The following IFIT5 variants were observed in gnomAD, a reference collection of about 807,000 sequenced individuals.
The protein encoded by IFIT5 is interferon-induced protein with tetratricopeptide repeats 5.
A neutral mutation model predicts 5.0 loss-of-function variants in IFIT5; 2 were observed. That is an observed-to-expected ratio of 0.40 (90% confidence interval 0.16 to 1.26). The LOEUF (loss-of-function observed/expected upper bound fraction) is 1.26, where lower values mean the gene tolerates loss of function less well. Among genes scored for constraint, IFIT5 ranks in the 50% most tolerant of loss-of-function variants. The pLI is 0.33. For synonymous variants in IFIT5, 206 were observed against 204.6 expected, an observed-to-expected ratio of 1.01 and a Z score of -0.06; for missense variants, 524 against 563.2, an observed-to-expected ratio of 0.93 and a Z score of 0.70.
intron 1 of IFIT5, among the ~76,000 whole-genome samples, chr10:89,415,482 A>G (rs1391800017): frequency 6.6e-6 from 1 of 152,212 alleles, no homozygotes; most frequent in Non-Finnish European, 1.5e-5. Context: ...CCTCTGTACC[A>G]AGCACAGATT....
rs1029117055 is a variant in IFIT5 at position 89,417,840 on chromosome 10, A to G, written c.641A>G (p.Asn214Ser). ...AAGGCTGTTACCCTGAACCCAGATA[A>G]CAGCTATATTAAGGTTTTTCTGGCA... ...LRKAVTLNPD[N>S]SYIKVFLALK... The change falls in exon 2 of 2, where the codon AAC becomes AGC. Residue 214 changes from asparagine to serine, a missense_variant. Transcript: ENST00000371795. 4 of 1,614,092 alleles carry G rather than the reference A, an allele frequency of 2.5e-6. No individual in the cohort carries two copies. The African/African-American group carries it at 5.3e-5, about 22-fold the overall frequency.
intron 1 of IFIT5, among the ~76,000 whole-genome samples, chr10:89,416,638 C>T (rs779743946): frequency 7.9e-5 from 12 of 152,212 alleles, no homozygotes; most frequent in Admixed American, 2.0e-4. Context: ...ATCCATAATA[C>T]CTGAGCAGCC....
intron 1 of IFIT5, 120 bp downstream of exon 1, chr10:89,414,923 CCCAGCAACCGGGCAT>C: frequency 7.6e-7 from 1 of 1,308,886 alleles, no homozygotes; most frequent in South Asian, 1.4e-5. Context: ...GCCCCTCGCG[CCCAGCAACCGGGCAT>C]CTGCGTTGGG....
rs150755193 is a variant in IFIT5 at position 89,418,197 on chromosome 10, G to A, written c.998G>A (p.Arg333Gln). 100 of 1,614,084 alleles carry A rather than the reference G, an allele frequency of 6.2e-5. No homozygotes were observed. The highest frequency in any genetic ancestry group is 7.6e-5 in the Non-Finnish European group (90 of 1,180,028). The change falls in exon 2 of 2, where the codon CGA becomes CAA. Residue 333 changes from arginine to glutamine, a missense_variant. Coordinates refer to ENST00000371795, the MANE Select transcript of IFIT5 (RefSeq NM_012420.3). ...TTTCATTTCAAAGCAGCCATGGAACGAGACTCTATGTTTGCATTTGCCTAC... is the reference window on the plus strand; with the variant it reads ...TTTCATTTCAAAGCAGCCATGGAACAAGACTCTATGTTTGCATTTGCCTAC... ...AIFHFKAAME[R>Q]DSMFAFAYTD... is the part of the protein sequence containing the mutation.
Position 89,418,170 on chromosome 10 carries a change from T to G in IFIT5, c.971T>G (p.Ile324Arg). The G allele has an allele frequency of 1.9e-6, 3 of 1,614,224 alleles. No individual in the cohort carries two copies. The highest frequency in any genetic ancestry group is 2.5e-6 in the Non-Finnish European group (3 of 1,180,030). The change falls in exon 2 of 2, where the codon ATA becomes AGA. Residue 324 changes from isoleucine to arginine, a missense_variant. Transcript: ENST00000371795. ...LKVDELISSA[I>R]FHFKAAMERD... The stretch of plus-strand genomic sequence containing the variant: ...GTTGATGAGCTGATTTCATCTGCTA[T>G]ATTTCATTTCAAAGCAGCCATGGAA...
intron 1 of IFIT5, 44 bp downstream of exon 1, chr10:89,414,847 C>G: frequency 1.2e-6 from 2 of 1,602,770 alleles, no homozygotes; most frequent in Non-Finnish European, 1.7e-6. Flanking sequence ...CTGCGTCGGC[C>G]TTGGTTTCAA....
intron 1 of IFIT5, among the ~76,000 whole-genome samples, chr10:89,416,532 A>C (rs1564816927): frequency 6.6e-6 from 1 of 152,268 alleles, no homozygotes; most frequent in Non-Finnish European, 1.5e-5. Flanking sequence ...TTTAAACAAT[A>C]AAAATTCTCA....
Position 89,417,970 on chromosome 10 carries a change from G to T in IFIT5, c.771G>T (p.Lys257Asn), listed in dbSNP as rs759654456. The part of the protein sequence containing the change: ...SQPYVLRYAA[K>N]FYRRKNSWNK... ...CTTACGTCCTTCGTTATGCAGCCAA[G>T]TTCTATAGGAGAAAAAATTCCTGGA... is the stretch of plus-strand genomic sequence containing the variant. The change falls in exon 2 of 2, where the codon AAG becomes AAT. Residue 257 changes from lysine (K) to asparagine (N), a missense_variant. Lys to Asn is a moderately conservative substitution (Grantham distance 94). Coordinates refer to ENST00000371795, the MANE Select transcript of IFIT5 (RefSeq NM_012420.3). 1 of 1,614,036 alleles carries T rather than the reference G, an allele frequency of 6.2e-7. No individual in the cohort carries two copies. Among genetic ancestry groups the T allele is most frequent in the East Asian group, 2.2e-5 (1 of 44,892 alleles).
chr10:89,416,100 C>T (rs184626447), intron 1 of IFIT5, among the ~76,000 whole-genome samples: 1 of 151,728 alleles, frequency 6.6e-6, no homozygotes, highest in Non-Finnish European at 1.5e-5. Context: ...TTTTTTGTAT[C>T]TTTAGTAGAG....
chr10:89,414,569 G>A lies in IFIT5; in HGVS notation c.-230G>A, dbSNP rs1029275692. 161 of 462,098 alleles carry A rather than the reference G, an allele frequency of 3.5e-4. No individual in the cohort carries two copies. Among genetic ancestry groups the A allele is most frequent in the African/African-American group, 2.9e-3 (143 of 48,650 alleles). 28.6% of individuals were successfully genotyped at this position (462,098 alleles called of 1,614,324 possible). A position where few individuals can be genotyped will look rare whatever the true frequency, so the allele number is the denominator to read the frequency against. On this transcript the variant is annotated 5_prime_UTR_variant, in exon 1 of 2. Coordinates refer to ENST00000371795, the MANE Select transcript of IFIT5 (RefSeq NM_012420.3). ...TTTAGTTTCGATTTCTTAAGTTTCA[G>A]TTTCTGAGCGCTCGGCATCTGATTC...
rs768778904 is a variant in IFIT5 at position 89,418,791 on chromosome 10, ATACTT to A, written c.*146_*150del. On this transcript the variant is annotated 3_prime_UTR_variant, in exon 2 of 2. Transcript: ENST00000371795. ...TATTGTGTACCAAGCATTGTGCTAAATACTTTATATGCATTATGATGAATCTTGTG... is the reference window on the plus strand; with the variant it reads ...TATTGTGTACCAAGCATTGTGCTAAATATATGCATTATGATGAATCTTGTG... 2.0e-4 allele frequency: 149 copies of A among 740,148 alleles called. No individual in the cohort carries two copies. The East Asian group carries it at 3.4e-3, about 17-fold the overall frequency. The allele number at this position is 740,148 out of a possible 1,614,324, so 45.8% of individuals were successfully genotyped here.
Position 89,414,674 on chromosome 10 carries a change from G to A in IFIT5, c.-125G>A, listed in dbSNP as rs927258226. On this transcript the variant is annotated 5_prime_UTR_variant, in exon 1 of 2. Coordinates refer to ENST00000371795, the MANE Select transcript of IFIT5 (RefSeq NM_012420.3). ...CGCCGCGCGGCCGAGTCCAGGGGCT[G>A]CAGAGGCCTGGCGCGCGCACGCGCA... is the stretch of plus-strand genomic sequence containing the variant. 53 of 1,166,072 alleles carry A rather than the reference G, an allele frequency of 4.5e-5. No individual in the cohort carries two copies. In the East Asian group the frequency reaches 5.4e-4, roughly 12 times the overall value. The allele number at this position is 1,166,072 out of a possible 1,614,324, so 72.2% of individuals were successfully genotyped here.
Position 89,419,159 on chromosome 10 carries a change from T to C in IFIT5, c.*511T>C, listed in dbSNP as rs1841575026. 3 of 152,204 alleles carry C rather than the reference T, an allele frequency of 2.0e-5. No individual in the cohort carries two copies. Among genetic ancestry groups the C allele is most frequent in the Admixed American group, 2.0e-4 (3 of 15,284 alleles). The allele number at this position is 152,204 out of a possible 1,614,324, so 9.4% of individuals were successfully genotyped here. A position where few individuals can be genotyped will look rare whatever the true frequency, so the allele number is the denominator to read the frequency against. On this transcript the variant is annotated 3_prime_UTR_variant, in exon 2 of 2. Transcript: ENST00000371795. ...TAATAGTCACCTAAAATATCTTTTT[T>C]GTTGGAAAAAAGTTTATAATAAAAA...
At chr10:89,417,125 A>AT in intron 1 of IFIT5, 80 bp from the exon 2 acceptor site, 1 of 1,208,604 alleles carries the variant, frequency 8.3e-7, no homozygotes, top group South Asian at 1.6e-5. Flanking sequence ...ATTAGTTGTT[A>AT]TGCAAAGAAC....
chr10:89,414,784 C>G lies in IFIT5; in HGVS notation c.-15C>G. On this transcript the variant is annotated 5_prime_UTR_variant, in exon 1 of 2. Transcript: ENST00000371795. ...GGGACTGCGCCGCCCGGACGGCCTG[C>G]AGAGCGCTGCCATCATGAGGTAAGG... The G allele has an allele frequency of 6.2e-7, 1 of 1,608,760 alleles. No homozygotes were observed. The highest frequency in any genetic ancestry group is 8.5e-7 in the Non-Finnish European group (1 of 1,178,030).
At position 89,418,197 on chromosome 10, in the gene IFIT5, G is replaced by T. The variant is rs150755193; in HGVS notation, c.998G>T (p.Arg333Leu). Residue 333 changes from arginine to leucine, a missense_variant, in exon 2 of 2, where the codon CGA becomes CTA. Arg to Leu is a moderately radical substitution (Grantham distance 102). Coordinates refer to ENST00000371795, the MANE Select transcript of IFIT5 (RefSeq NM_012420.3). ...TTTCATTTCAAAGCAGCCATGGAAC[G>T]AGACTCTATGTTTGCATTTGCCTAC... is the stretch of plus-strand genomic sequence containing the variant. ...AIFHFKAAME[R>L]DSMFAFAYTD... 1.9e-6 allele frequency: 3 copies of T among 1,614,202 alleles called. No individual in the cohort carries two copies. Among genetic ancestry groups the T allele is most frequent in the Non-Finnish European group, 2.5e-6 (3 of 1,180,020 alleles).
chr10:89,419,837 G>A lies in IFIT5; in HGVS notation c.*1189G>A, dbSNP rs1841580907. 1 of 151,866 alleles carries A rather than the reference G, an allele frequency of 6.6e-6. No homozygotes were observed. Among genetic ancestry groups the A allele is most frequent in the South Asian group, 2.1e-4 (1 of 4,806 alleles). 9.4% of individuals were successfully genotyped at this position (151,866 alleles called of 1,614,324 possible). On this transcript the variant is annotated 3_prime_UTR_variant, in exon 2 of 2. Transcript: ENST00000371795. ...CTCTAATGTAGTTTCTTTGATTACC[G>A]ACTACACAATTATGTACCATCACAG...
In IFIT5 at chr10:89,419,353, A is replaced by G. The variant is rs1186966499; in HGVS notation, c.*705A>G. The G allele has an allele frequency of 2.7e-5, 3 of 112,652 alleles. No homozygotes were observed. Among genetic ancestry groups the G allele is most frequent in the Non-Finnish European group, 3.7e-5 (2 of 54,240 alleles). The allele number at this position is 112,652 out of a possible 1,614,324, so 7.0% of individuals were successfully genotyped here. A position where few individuals can be genotyped will look rare whatever the true frequency, so the allele number is the denominator to read the frequency against. On this transcript the variant is annotated 3_prime_UTR_variant, in exon 2 of 2. Coordinates refer to ENST00000371795, the MANE Select transcript of IFIT5 (RefSeq NM_012420.3). ...AATAATGGAAAATAGTGAGTCTCAAATTGTTCTCTTTTTTTTTTTAACTAA... is the reference window on the plus strand; with the variant it reads ...AATAATGGAAAATAGTGAGTCTCAAGTTGTTCTCTTTTTTTTTTTAACTAA...
chr10:89,414,813 T>C lies in IFIT5; in HGVS notation c.5+10T>C, dbSNP rs775563948. 1 of 1,609,368 alleles carries C rather than the reference T, an allele frequency of 6.2e-7. No individual in the cohort carries two copies. The highest frequency in any genetic ancestry group is 1.1e-5 in the South Asian group (1 of 90,340). On this transcript the variant is annotated intron_variant, in intron 1 of 1. Coordinates refer to ENST00000371795, the MANE Select transcript of IFIT5 (RefSeq NM_012420.3). Reference sequence around the variant, plus strand: ...GCGCTGCCATCATGAGGTAAGGGTTTTCCTTTGCCTCTCCTCCCAAGCCCT... The same window carrying C: ...GCGCTGCCATCATGAGGTAAGGGTTCTCCTTTGCCTCTCCTCCCAAGCCCT...
Sources: gnomAD v4.1 joint callset for allele counts (sites outside exome capture counted in the v4.1 genomes callset) on GRCh38, gnomAD v4.1.1 for gene constraint, MANE v1.5 for transcripts, NCBI Gene and HGNC (gene_info 2026-07-23, HGNC 2026-07-21) for gene names.